The following CYP4A22 variants were observed in gnomAD, a reference collection of about 807,000 sequenced individuals.
CYP4A22 encodes the protein cytochrome P450 4A22.
In CYP4A22, 46 loss-of-function variants were observed where a neutral mutation model predicts 56.2. The observed-to-expected ratio is 0.82, with a 90% CI of 0.65 to 1.05. The LOEUF (loss-of-function observed/expected upper bound fraction) is 1.05. Among genes scored for constraint, CYP4A22 ranks in the 50% least tolerant of loss-of-function variants. The pLI is 0.00. For missense variants in CYP4A22, 541 were observed against 645.9 expected, an observed-to-expected ratio of 0.84 and a Z score of 1.76; for synonymous variants, 193 against 251.1, an observed-to-expected ratio of 0.77 and a Z score of 2.19.
chr1:47,143,346 C>A lies in CYP4A22; in HGVS notation c.588C>A (p.Thr196=). Residue 196 remains threonine (T), a synonymous_variant, in exon 5 of 12, where the codon ACC becomes ACA. Coordinates refer to ENST00000371891, the MANE Select transcript of CYP4A22 (RefSeq NM_001010969.4). ...ACGTCTCCTTGATGACCCTGGACAC[C>A]ATCATGAAGAGTGCCTTCAGCCATC... ...FQHVSLMTLD[T]IMKSAFSHQG... is the part of the protein sequence containing the mutation. 1 of 1,613,896 alleles carries A rather than the reference C, an allele frequency of 6.2e-7. No homozygotes were observed. Among genetic ancestry groups the A allele is most frequent in the African/African-American group, 1.3e-5 (1 of 75,014 alleles).
chr1:47,148,821 T>G lies in CYP4A22; in HGVS notation c.*24T>G. 3.8e-6 allele frequency: 6 copies of G among 1,576,838 alleles called. No homozygotes were observed. The highest frequency in any genetic ancestry group is 5.2e-6 in the Non-Finnish European group (6 of 1,159,608). The stretch of plus-strand genomic sequence containing the variant: ...GAGGGCCTCCACCTGCCATCCTGTC[T>G]TCCTGACCCCCACTCCTATCTCCTG... On this transcript the variant is annotated 3_prime_UTR_variant, in exon 12 of 12. Coordinates refer to ENST00000371891, the MANE Select transcript of CYP4A22 (RefSeq NM_001010969.4).
chr1:47,143,914 C>G lies in CYP4A22; in HGVS notation c.788C>G (p.Thr263Arg). The change falls in exon 6 of 12, where the codon ACA (threonine) becomes AGA (arginine). Residue 263 changes from threonine (T) to arginine (R), a missense_variant and splice_region_variant. Coordinates refer to ENST00000371891, the MANE Select transcript of CYP4A22 (RefSeq NM_001010969.4). ...HRACQLAHQH[T>R]DQVIQLRKAQ... ...GCCTGCCAGCTGGCCCATCAGCACACAGGTTCTGTCTCTTCCTCTTGTCTC... is the reference window on the plus strand; with the variant it reads ...GCCTGCCAGCTGGCCCATCAGCACAGAGGTTCTGTCTCTTCCTCTTGTCTC... 6.2e-7 allele frequency: 1 copy of G among 1,608,964 alleles called. No individual in the cohort carries two copies. The highest frequency in any genetic ancestry group is 1.1e-5 in the South Asian group (1 of 90,194).
At chr1:47,140,382 G>A (rs12028686) in intron 1 of CYP4A22, among the ~76,000 whole-genome samples, 21,338 of 152,112 alleles carry the variant, frequency 0.14, 1,587 homozygotes, top group South Asian at 0.25. Flanking sequence ...TAACAAGTAT[G>A]ATTATATAAA....
chr1:47,144,753 T>C lies in CYP4A22; in HGVS notation c.1088+13T>C. 1 of 1,613,200 alleles carries C rather than the reference T, an allele frequency of 6.2e-7. No individual in the cohort carries two copies. Among genetic ancestry groups the C allele is most frequent in the Non-Finnish European group, 8.5e-7 (1 of 1,179,546 alleles). Reference sequence around the variant, plus strand: ...CCTCCATCACCTGGTGAGTGAGGGCTCAAAAGATGGGGTTCCCTGCCTTCT... The same window carrying C: ...CCTCCATCACCTGGTGAGTGAGGGCCCAAAAGATGGGGTTCCCTGCCTTCT... On this transcript the variant is annotated intron_variant, in intron 8 of 11. Coordinates refer to ENST00000371891, the MANE Select transcript of CYP4A22 (RefSeq NM_001010969.4).
At chr1:47,142,847 T>C (rs1317556517) in intron 4 of CYP4A22, among the ~76,000 whole-genome samples, 3 of 152,252 alleles carry the variant, frequency 2.0e-5, no homozygotes, top group Admixed American at 6.5e-5. Flanking sequence ...CCCCTTAAGC[T>C]ATCTTTGGCA....
rs1449639815 is a variant in CYP4A22 at position 47,149,557 on chromosome 1, C to A, written c.*760C>A. ...ACTCTGCCGGACTTTGTCACCCCCA[C>A]AACCTGGTGTTGGGTCCGATAACCC... On this transcript the variant is annotated 3_prime_UTR_variant, in exon 12 of 12. Coordinates refer to ENST00000371891, the MANE Select transcript of CYP4A22 (RefSeq NM_001010969.4). 1.3e-5 allele frequency: 2 copies of A among 152,162 alleles called. No individual in the cohort carries two copies. Among genetic ancestry groups the A allele is most frequent in the Admixed American group, 6.5e-5 (1 of 15,276 alleles). The allele number at this position is 152,162 out of a possible 1,614,324, so 9.4% of individuals were successfully genotyped here.
At chr1:47,148,523 G>A in intron 11 of CYP4A22, 79 bp from the exon 12 acceptor site, 3 of 1,516,170 alleles carry the variant, frequency 2.0e-6, no homozygotes, top group Non-Finnish European at 2.7e-6. Context: ...GCTCAGGGCT[G>A]GGGTCAGGGG....
In CYP4A22 at chr1:47,145,904, A is replaced by C. The variant is rs200686099; in HGVS notation, c.1261A>C (p.Asn421His). ...CCTCTCCATTTATGGCCTTCACCAC[A>C]ACCCAAAAGTGTGGCCCAACCTAGA... ...VLLSIYGLHH[N>H]PKVWPNLEVF... Residue 421 changes from asparagine (N) to histidine (H), a missense_variant, in exon 10 of 12, where the codon AAC becomes CAC. Transcript: ENST00000371891. 1.9e-6 allele frequency: 3 copies of C among 1,614,110 alleles called. No homozygotes were observed. The highest frequency in any genetic ancestry group is 1.1e-5 in the South Asian group (1 of 91,072).
intron 5 of CYP4A22, 85 bp from the exon 6 acceptor site, chr1:47,143,677 C>T (rs1341955614): frequency 2.1e-5 from 31 of 1,503,826 alleles, no homozygotes; most frequent in East Asian, 4.6e-5. Context: ...CCCCATTATC[C>T]GAGGCTGCCT....
intron 6 of CYP4A22, 65 bp from the exon 7 acceptor site, chr1:47,144,292 C>T: frequency 1.3e-6 from 2 of 1,574,296 alleles, no homozygotes; most frequent in Non-Finnish European, 8.7e-7. Flanking sequence ...GGCAGTTGGG[C>T]AGCTAGGCCT....
chr1:47,145,837 C>G (rs760168976), intron 9 of CYP4A22, 29 bp from the exon 10 acceptor site: 2 of 1,613,764 alleles, frequency 1.2e-6, no homozygotes, highest in East Asian at 4.5e-5. Flanking sequence ...AATGATCGGT[C>G]TTCTCTCTCT....
Position 47,143,451 on chromosome 1 carries a change from C to A in CYP4A22, c.635+58C>A, listed in dbSNP as rs573011120. On this transcript the variant is annotated intron_variant, in intron 5 of 11. Transcript: ENST00000371891. Reference sequence around the variant, plus strand: ...GTTCTTATCAAGTGGAGTGCACATACCTGAGGGGCAGGTGGGGCAGCGTGA... The same window carrying A: ...GTTCTTATCAAGTGGAGTGCACATAACTGAGGGGCAGGTGGGGCAGCGTGA... The A allele has an allele frequency of 3.1e-4, 475 of 1,517,916 alleles. 1 individual carries two copies. The African/African-American group carries it at 6.0e-3, about 19-fold the overall frequency. 94.0% of individuals were successfully genotyped at this position (1,517,916 alleles called of 1,614,324 possible).
At position 47,143,394 on chromosome 1, in the gene CYP4A22, G is replaced by T; in HGVS notation, c.635+1G>T. On this transcript the variant is annotated splice_donor_variant, in intron 5 of 11. Coordinates refer to ENST00000371891, the MANE Select transcript of CYP4A22 (RefSeq NM_001010969.4). LOFTEE classifies it high-confidence loss of function. ...ATCAGGGCAGCATCCAGGTGGACAGGTCAGTGACAACCCTCCAGCTGCAGG... is the reference window on the plus strand; with the variant it reads ...ATCAGGGCAGCATCCAGGTGGACAGTTCAGTGACAACCCTCCAGCTGCAGG... 6.2e-7 allele frequency: 1 copy of T among 1,607,660 alleles called. No homozygotes were observed. Among genetic ancestry groups the T allele is most frequent in the Non-Finnish European group, 8.5e-7 (1 of 1,177,460 alleles).
chr1:47,137,725 C>T (rs368943410), intron 1 of CYP4A22, 45 bp downstream of exon 1: 21 of 1,561,282 alleles, frequency 1.3e-5, no homozygotes, highest in Admixed American at 5.6e-5. Context: ...AGGAGGGATG[C>T]GGCTCTGAGA....
chr1:47,147,695 T>G (rs1007690695), intron 11 of CYP4A22, among the ~76,000 whole-genome samples: 1 of 151,912 alleles, frequency 6.6e-6, no homozygotes, highest in African/African-American at 2.4e-5. Flanking sequence ...ACTTTAGCCT[T>G]GAGGATGTGG....
chr1:47,141,759 C>T (rs190318472), intron 3 of CYP4A22, 144 bp downstream of exon 3: 1 of 1,148,768 alleles, frequency 8.7e-7, no homozygotes, highest in Non-Finnish European at 1.2e-6. Context: ...CTAACAAGAC[C>T]CTCACCCCTT....
rs185651062 is a variant in CYP4A22, at chr1:47,145,736, A to C, written c.1223-130A>C. On this transcript the variant is annotated intron_variant, in intron 9 of 11. Coordinates refer to ENST00000371891, the MANE Select transcript of CYP4A22 (RefSeq NM_001010969.4). Reference sequence around the variant, plus strand: ...CCTAACCCACCTGCATAATGGCAGAATCATCCTAGTCAAAGTGACAATTTA... The same window carrying C: ...CCTAACCCACCTGCATAATGGCAGACTCATCCTAGTCAAAGTGACAATTTA... 9.9e-4 allele frequency: 1,328 copies of C among 1,342,630 alleles called. 29 individuals are homozygous for C. In the Admixed American group the frequency reaches 0.018, roughly 18 times the overall value. 83.2% of individuals were successfully genotyped at this position (1,342,630 alleles called of 1,614,324 possible).
At chr1:47,142,411 C>T (rs536792038) in intron 4 of CYP4A22, among the ~76,000 whole-genome samples, 176 bp downstream of exon 4, 2 of 152,322 alleles carry the variant, frequency 1.3e-5, no homozygotes, top group African/African-American at 2.4e-5. Context: ...TAGGAGAACA[C>T]CCAGGCATCA....
intron 4 of CYP4A22, 140 bp downstream of exon 4, chr1:47,142,375 A>G: frequency 7.5e-7 from 1 of 1,337,114 alleles, no homozygotes; most frequent in Non-Finnish European, 9.9e-7. Flanking sequence ...CTGTGAGAGT[A>G]GAGGGTTCCC....
Sources: allele counts gnomAD v4.1 joint callset (sites outside exome capture counted in the v4.1 genomes callset), GRCh38; gene constraint gnomAD v4.1.1; transcripts MANE v1.5; gene names NCBI Gene and HGNC (gene_info 2026-07-23, HGNC 2026-07-21).